Variants in ZNF521 observed in about 807,000 individuals in gnomAD.
ZNF521 encodes the protein zinc finger protein 521, also known as LYST-interacting protein 3.
Under a neutral mutation model 105.5 loss-of-function variants are expected in ZNF521, and 14 were observed. The observed-to-expected ratio is 0.13, with a 90% confidence interval of 0.09 to 0.21. ZNF521 has a LOEUF of 0.21. Ranked by LOEUF, ZNF521 falls within the 10% of genes least tolerant of loss-of-function variation. ZNF521 has a pLI of 1.00. For missense variants in ZNF521, 1,233 were observed against 1,629.7 expected (o/e 0.76, Z 4.19); for synonymous variants, 635 against 606.0 (o/e 1.05, Z -0.70).
chr18:25,140,767 C>A lies in ZNF521; in HGVS notation c.3659-48686G>T, dbSNP rs554774111. ...GAGGGCATTTGTATTGGTCCTGTTA[C>A]ATTCCTGAAGATTTTTTAGTGTAGA... On this transcript the variant is annotated intron_variant, in intron 5 of 7. Transcript: ENST00000361524. Among the ~76,000 whole-genome samples, 4 of 152,280 alleles carry A rather than the reference C, an allele frequency of 2.6e-5. No homozygotes were observed. In the East Asian group the frequency reaches 7.7e-4, roughly 29 times the overall value.
intron 3 of ZNF521, among the ~76,000 whole-genome samples, chr18:25,303,507 A>T (rs991678705): frequency 6.6e-6 from 1 of 152,132 alleles, no homozygotes; most frequent in African/African-American, 2.4e-5. Context: ...TATGTTGGCC[A>T]GGCTGGTCTC....
intron 5 of ZNF521, among the ~76,000 whole-genome samples, chr18:25,140,415 C>T (rs1278264588): frequency 6.6e-6 from 1 of 152,156 alleles, no homozygotes; most frequent in Non-Finnish European, 1.5e-5. Context: ...TTTAAGTGTG[C>T]AATGACGGCA....
chr18:25,144,046 G>A (rs889200439), intron 5 of ZNF521, among the ~76,000 whole-genome samples: 1 of 152,096 alleles, frequency 6.6e-6, no homozygotes, highest in Admixed American at 6.6e-5. Context: ...TTAGACAAAA[G>A]GAGAACATTT....
chr18:25,317,571 T>C (rs745505429), intron 3 of ZNF521, among the ~76,000 whole-genome samples: 18 of 152,196 alleles, frequency 1.2e-4, no homozygotes, highest in Non-Finnish European at 2.4e-4. Flanking sequence ...GTCAGTCCAG[T>C]GGGAACGCTG....
intron 3 of ZNF521, among the ~76,000 whole-genome samples, chr18:25,277,633 AAAAG>A (rs1422802597): frequency 6.6e-6 from 1 of 152,224 alleles, no homozygotes; most frequent in African/African-American, 2.4e-5. Flanking sequence ...GAACACACCT[AAAAG>A]AAAATTAGCA....
Position 25,230,192 on chromosome 18 carries a change from C to A in ZNF521, c.221-2495G>T, listed in dbSNP as rs73943998. 3.4e-3 allele frequency among the ~76,000 whole-genome samples: 521 copies of A among 152,196 alleles called. 2 individuals carry two copies. Among genetic ancestry groups the A allele is most frequent in the African/African-American group, 0.012 (485 of 41,518 alleles). On this transcript the variant is annotated intron_variant, in intron 3 of 7. Transcript: ENST00000361524. ...CTTTGTAAAGGAAATTACACAACAC[C>A]CCCTCTAGAAGTCATAAGGCGTGGG...
intron 4 of ZNF521, among the ~76,000 whole-genome samples, chr18:25,209,956 T>G (rs2036149540): frequency 6.6e-6 from 1 of 152,204 alleles, no homozygotes; most frequent in African/African-American, 2.4e-5. Context: ...CTTCATCAAC[T>G]TTGTGGAAAT....
At chr18:25,156,232 A>G (rs1166124873) in intron 5 of ZNF521, among the ~76,000 whole-genome samples, 3 of 152,208 alleles carry the variant, frequency 2.0e-5, no homozygotes, top group Admixed American at 2.0e-4. Context: ...AAATACAGAC[A>G]ATTTTAAAAA....
rs145064998 is a variant in ZNF521 at position 25,260,420 on chromosome 18, GT to G, written c.221-32724del. Among the ~76,000 whole-genome samples the G allele has an allele frequency of 4.3e-3, 659 of 152,198 alleles. 6 individuals carry two copies. Among genetic ancestry groups the G allele is most frequent in the African/African-American group, 0.015 (634 of 41,508 alleles). On this transcript the variant is annotated intron_variant, in intron 3 of 7. Coordinates refer to ENST00000361524, the MANE Select transcript of ZNF521 (RefSeq NM_015461.3). The stretch of plus-strand genomic sequence containing the variant: ...AGGGATATAAAGTATGGGTGGGGTG[GT>G]GGGTCGGAGCATGGGATGTGGAGGA...
chr18:25,232,585 C>T (rs1244872702), intron 3 of ZNF521, among the ~76,000 whole-genome samples: 2 of 152,076 alleles, frequency 1.3e-5, no homozygotes, highest in Admixed American at 6.5e-5. Context: ...CTGGTGATAC[C>T]TAAATGTTAA....
At chr18:25,240,101 G>C (rs145497078) in intron 3 of ZNF521, among the ~76,000 whole-genome samples, 41 of 152,186 alleles carry the variant, frequency 2.7e-4, no homozygotes, top group Non-Finnish European at 3.8e-4. Flanking sequence ...AAGAAAATCA[G>C]TTAACCTCTT....
At chr18:25,331,268 C>G (rs1339873844) in intron 2 of ZNF521, among the ~76,000 whole-genome samples, 1 of 152,012 alleles carries the variant, frequency 6.6e-6, no homozygotes, top group Non-Finnish European at 1.5e-5. Context: ...TTTTTAATAT[C>G]CAGCTAATCA....
chr18:25,124,364 C>G (rs1454629150), intron 5 of ZNF521, among the ~76,000 whole-genome samples: 2 of 152,044 alleles, frequency 1.3e-5, no homozygotes, highest in Non-Finnish European at 2.9e-5. Flanking sequence ...TTCTCCTTAG[C>G]TTACTGGCCA....
chr18:25,142,377 C>T (rs1441733451), intron 5 of ZNF521, among the ~76,000 whole-genome samples: 3 of 152,124 alleles, frequency 2.0e-5, no homozygotes, highest in Non-Finnish European at 4.4e-5. Context: ...TTGCCATAAG[C>T]ATTGTCTAGA....
intron 5 of ZNF521, among the ~76,000 whole-genome samples, chr18:25,181,876 C>T (rs1567998075): frequency 6.6e-6 from 1 of 152,154 alleles, no homozygotes; most frequent in Non-Finnish European, 1.5e-5. Flanking sequence ...GGGGGCATTT[C>T]TCTCTGAAAC....
At chr18:25,101,676 T>C (rs2033967869) in intron 5 of ZNF521, among the ~76,000 whole-genome samples, 1 of 151,932 alleles carries the variant, frequency 6.6e-6, no homozygotes. Context: ...AATCAAGGAC[T>C]GAAACAAAAG....
chr18:25,347,187 T>C (rs1914499739), intron 2 of ZNF521, among the ~76,000 whole-genome samples: 1 of 152,190 alleles, frequency 6.6e-6, no homozygotes, highest in South Asian at 2.1e-4. Context: ...GGTAATCTAC[T>C]CAAGTACCAT....
Position 25,273,220 on chromosome 18 carries a change from C to CAAAAAAAAAAAAAAAAAAAAAAAAAA in ZNF521, c.221-45549_221-45524dup, listed in dbSNP as rs67381140. On this transcript the variant is annotated intron_variant, in intron 3 of 7. Coordinates refer to ENST00000361524, the MANE Select transcript of ZNF521 (RefSeq NM_015461.3). ...CCCAAGAGGAGTGAAACCCTGTCTCCAAAAAAAAAAAAAAAAAAAAAAAAA... is the reference window on the plus strand; with the variant it reads ...CCCAAGAGGAGTGAAACCCTGTCTCCAAAAAAAAAAAAAAAAAAAAAAAAAAAAAAAAAAAAAAAAAAAAAAAAAAA... Among the ~76,000 whole-genome samples, 19 of 40,886 alleles carry CAAAAAAAAAAAAAAAAAAAAAAAAAA rather than the reference C, an allele frequency of 4.6e-4. 1 individual carries two copies. The highest frequency in any genetic ancestry group is 7.3e-4 in the Non-Finnish European group (17 of 23,196). The allele number at this position is 40,886 out of a possible 152,430, so 26.8% of individuals were successfully genotyped here.
At chr18:25,063,220 T>G (rs1370138610) in intron 7 of ZNF521, among the ~76,000 whole-genome samples, 1 of 152,216 alleles carries the variant, frequency 6.6e-6, no homozygotes, top group Non-Finnish European at 1.5e-5. Flanking sequence ...ATGCCTCTGT[T>G]CCAATCCCTC....
Sources: allele counts gnomAD v4.1 joint callset (sites outside exome capture counted in the v4.1 genomes callset), GRCh38; gene constraint gnomAD v4.1.1; transcripts MANE v1.5; gene names NCBI Gene and HGNC (gene_info 2026-07-23, HGNC 2026-07-21).